Variants in FLOT1 observed in about 807,000 individuals in gnomAD.
The protein encoded by FLOT1 is flotillin-1.
A neutral mutation model predicts 58.4 loss-of-function variants in FLOT1; 40 were observed. That is an observed-to-expected ratio of 0.69 (90% CI 0.53 to 0.89). The LOEUF (loss-of-function observed/expected upper bound fraction) is 0.89. FLOT1 is among the 40% of genes least tolerant of loss of function. The pLI, the probability that FLOT1 is intolerant of heterozygous loss-of-function variation, is 0.00. For synonymous variants in FLOT1, 178 were observed against 204.2 expected (o/e 0.87, Z 1.09); for missense variants, 423 against 540.8 (o/e 0.78, Z 2.16).
chr6:30,730,093 C>A lies in FLOT1; in HGVS notation c.1183G>T (p.Gly395Trp), dbSNP rs772472592. The A allele has an allele frequency of 6.2e-7, 1 of 1,613,036 alleles. No individual in the cohort carries two copies. Among genetic ancestry groups the A allele is most frequent in the South Asian group, 1.1e-5 (1 of 91,074 alleles). The change falls in exon 12 of 13, where the codon GGG becomes TGG. Residue 395 changes from glycine to tryptophan, a missense_variant. This residue lies in a region of FLOT1 where 44 missense variants were observed against 40.3 expected (regional missense o/e 1.09). Coordinates refer to ENST00000376389, the MANE Select transcript of FLOT1 (RefSeq NM_005803.4). Reference sequence around the variant, plus strand: ...CGAGTTAGAATGTCCAGTACTTCCCCAGTCACTTTGGCTGCCCCCATGGTC... The same window carrying A: ...CGAGTTAGAATGTCCAGTACTTCCCAAGTCACTTTGGCTGCCCCCATGGTC... ...SGTMGAAKVTGEVLDILTRLP... is the reference protein window; with the variant it reads ...SGTMGAAKVTWEVLDILTRLP...
At position 30,742,074 on chromosome 6, in the gene FLOT1, A is replaced by G; in HGVS notation, c.43+73T>C. Reference sequence around the variant, plus strand: ...CTGGTGCTGGGAAGTTGGTAGGGAGAGGGAGAAGGGGCAGAGGCCAGACTC... The same window carrying G: ...CTGGTGCTGGGAAGTTGGTAGGGAGGGGGAGAAGGGGCAGAGGCCAGACTC... On this transcript the variant is annotated intron_variant, in intron 2 of 12. Transcript: ENST00000376389. This position sits in a 1 kb window ranked among gnomAD's most constrained non-coding sequence, Gnocchi z 5.2. The G allele has an allele frequency of 6.7e-7, 1 of 1,485,412 alleles. No individual in the cohort carries two copies. The highest frequency in any genetic ancestry group is 1.1e-5 in the South Asian group (1 of 88,156). 92.0% of individuals were successfully genotyped at this position (1,485,412 alleles called of 1,614,324 possible).
rs780590514 is a variant in FLOT1, at chr6:30,729,978, A to C, written c.1254+44T>G. On this transcript the variant is annotated intron_variant, in intron 12 of 12. Coordinates refer to ENST00000376389, the MANE Select transcript of FLOT1 (RefSeq NM_005803.4). ...TGCTAGGCATACTGTGTCACACAAC[A>C]CAGGAACCTAGCAATTCTCCTCAGC... The C allele has an allele frequency of 1.9e-6, 3 of 1,584,034 alleles. No homozygotes were observed. The South Asian group carries it at 3.3e-5, about 18-fold the overall frequency.
Position 30,727,774 on chromosome 6 carries a change from G to GA in FLOT1, c.*341dup. ...AGCAATTTATTTGGGTAGCAAAGTT[G>GA]AAAACCTCCAGCCCATCCCTCAGTC... On this transcript the variant is annotated 3_prime_UTR_variant, in exon 13 of 13. Transcript: ENST00000376389. The GA allele has an allele frequency of 2.3e-6, 1 of 436,432 alleles. No individual in the cohort carries two copies. Among genetic ancestry groups the GA allele is most frequent in the South Asian group, 3.6e-5 (1 of 27,464 alleles). 27.0% of individuals were successfully genotyped at this position (436,432 alleles called of 1,614,324 possible).
chr6:30,736,112 C>T (rs1215264830), intron 8 of FLOT1, among the ~76,000 whole-genome samples: 1 of 151,826 alleles, frequency 6.6e-6, no homozygotes, highest in Non-Finnish European at 1.5e-5. Context: ...ATTAGCCAGG[C>T]GTGGTGGCAT....
chr6:30,732,553 T>C (rs1264916434), intron 8 of FLOT1, among the ~76,000 whole-genome samples: 1 of 152,020 alleles, frequency 6.6e-6, no homozygotes, highest in African/African-American at 2.4e-5. Flanking sequence ...GGGTTTTCTA[T>C]GTTGCCCAGG....
At chr6:30,732,733 C>G (rs1026190155) in intron 8 of FLOT1, among the ~76,000 whole-genome samples, 2 of 152,148 alleles carry the variant, frequency 1.3e-5, no homozygotes. Flanking sequence ...ACATGTGATG[C>G]TTCCCCTGCC....
chr6:30,739,494 C>T (rs1463139619), intron 8 of FLOT1, among the ~76,000 whole-genome samples: 1 of 151,758 alleles, frequency 6.6e-6, no homozygotes, highest in Non-Finnish European at 1.5e-5. Flanking sequence ...CTCAGCCTCC[C>T]AAGTAGCTGG....
rs766978590 is a variant in FLOT1 at position 30,731,047 on chromosome 6, C to A, written c.777G>T (p.Val259=). 6.2e-7 allele frequency: 1 copy of A among 1,611,440 alleles called. No homozygotes were observed. ...IEEQRVQVQV[V]ERAQQVAVQE... is the part of the protein sequence containing the mutation. ...GCACTGCCACCTGCTGGGCCCGCTCCACCACCTGCACCTGCACCCGCTGCT... is the reference window on the plus strand; with the variant it reads ...GCACTGCCACCTGCTGGGCCCGCTCAACCACCTGCACCTGCACCCGCTGCT... Residue 259 remains valine (V), a synonymous_variant, in exon 9 of 13, where the codon GTG becomes GTT. Coordinates refer to ENST00000376389, the MANE Select transcript of FLOT1 (RefSeq NM_005803.4).
chr6:30,730,774 C>T, intron 9 of FLOT1, 47 bp from the exon 10 acceptor site: 1 of 1,611,764 alleles, frequency 6.2e-7, no homozygotes, highest in African/African-American at 1.3e-5. Flanking sequence ...AGCCCTTACT[C>T]CCAGGAGAAA....
chr6:30,732,724 C>T (rs1345126159), intron 8 of FLOT1, among the ~76,000 whole-genome samples: 2 of 152,176 alleles, frequency 1.3e-5, no homozygotes, highest in African/African-American at 4.8e-5. Context: ...CTCATCAATA[C>T]ATGTGATGCT....
chr6:30,736,991 T>C (rs1050821167), intron 8 of FLOT1, among the ~76,000 whole-genome samples: 3 of 152,006 alleles, frequency 2.0e-5, no homozygotes, highest in African/African-American at 7.2e-5. Context: ...AGTTCTCCAA[T>C]AGCTTTCCAC....
chr6:30,735,547 T>C (rs1777507172), intron 8 of FLOT1, among the ~76,000 whole-genome samples: 1 of 151,674 alleles, frequency 6.6e-6, no homozygotes, highest in South Asian at 2.1e-4. Flanking sequence ...CGAGAATCAT[T>C]TGAACCCAGG....
At chr6:30,739,051 G>A (rs1391836823) in intron 8 of FLOT1, among the ~76,000 whole-genome samples, 1 of 152,164 alleles carries the variant, frequency 6.6e-6, no homozygotes, top group Admixed American at 6.5e-5. Context: ...GAAGAATGAA[G>A]ATCAACTATA....
At position 30,741,325 on chromosome 6, in the gene FLOT1, G is replaced by C; in HGVS notation, c.219C>G (p.Ile73Met). ...ISVTGIAQVK[I>M]QGQNKEMLAA... ...CCAACATCTCCTTGTTCTGCCCCTG[G>C]ATTTTTACCTGTAGCCAGAGTAGGG... is the stretch of plus-strand genomic sequence containing the variant. The change falls in exon 5 of 13, where the codon ATC becomes ATG. Residue 73 changes from isoleucine to methionine, a missense_variant. Physicochemically the swap from Ile to Met is conservative, Grantham distance 10 (BLOSUM62 1). This residue lies in a region of FLOT1 where 91 missense variants were observed against 118.3 expected (regional missense o/e 0.77). Transcript: ENST00000376389. The surrounding 1 kb of genome is among the most constrained non-coding windows in gnomAD (Gnocchi z 5.9). 2 of 1,613,094 alleles carry C rather than the reference G, an allele frequency of 1.2e-6. No individual in the cohort carries two copies. Among genetic ancestry groups the C allele is most frequent in the Non-Finnish European group, 1.7e-6 (2 of 1,180,042 alleles).
chr6:30,740,547 T>C lies in FLOT1; in HGVS notation c.519A>G (p.Gln173=), dbSNP rs756874361. 3.7e-6 allele frequency: 6 copies of C among 1,612,954 alleles called. No homozygotes were observed. In the South Asian group the frequency reaches 4.4e-5, roughly 12 times the overall value. Residue 173 remains glutamine, a synonymous_variant, in exon 7 of 13, where the codon CAA becomes CAG. Coordinates refer to ENST00000376389, the MANE Select transcript of FLOT1 (RefSeq NM_005803.4). ...CTGCTTCTCCAATCCGTGCATCTTT[T>C]TGGACTTGAGCTGTTCGAGCCTTCC... The part of the protein sequence containing the change: ...SLGKARTAQV[Q]KDARIGEAEA...
At chr6:30,740,846 T>G (rs572415300) in intron 5 of FLOT1, 48 bp from the exon 6 acceptor site, 51 of 1,568,264 alleles carry the variant, frequency 3.3e-5, no homozygotes, top group Non-Finnish European at 4.3e-6. Context: ...TTTTTTTTTT[T>G]TTTTTTTTTT....
chr6:30,729,067 C>T (rs1249915640), intron 12 of FLOT1, among the ~76,000 whole-genome samples: 2 of 147,730 alleles, frequency 1.4e-5, no homozygotes, highest in African/African-American at 5.1e-5. Flanking sequence ...CATGAGCTAC[C>T]GCGCCTGGAA....
chr6:30,741,893 C>A lies in FLOT1; in HGVS notation c.44-26G>T. The A allele has an allele frequency of 6.2e-7, 1 of 1,605,254 alleles. No homozygotes were observed. Among genetic ancestry groups the A allele is most frequent in the African/African-American group, 1.3e-5 (1 of 74,842 alleles). On this transcript the variant is annotated intron_variant, in intron 2 of 12. Transcript: ENST00000376389. The surrounding 1 kb of genome is among the most constrained non-coding windows in gnomAD (Gnocchi z 5.9). ...CTGCAAGGTGTGGGGCAGTGAGGAA[C>A]GGTGGCAGAGCTTGAATGTGGAAGA...
intron 8 of FLOT1, among the ~76,000 whole-genome samples, chr6:30,734,426 AG>A (rs1173059132): frequency 2.6e-5 from 4 of 150,948 alleles, no homozygotes; most frequent in Non-Finnish European, 5.9e-5. Flanking sequence ...CTCCTGCCTC[AG>A]CCTCCCGAGT....
Sources: gnomAD v4.1 joint callset for allele counts (sites outside exome capture counted in the v4.1 genomes callset) on GRCh38, gnomAD v4.1.1 for gene constraint, gnomAD v4.1.1 regional missense constraint, Gnocchi (gnomAD v3.1) non-coding constraint, MANE v1.5 for transcripts, NCBI Gene and HGNC (gene_info 2026-07-23, HGNC 2026-07-21) for gene names.